Variants in RUNDC1 observed in about 807,000 individuals in gnomAD.
RUNDC1 encodes the protein RUN domain containing 1, also known as RUN domain-containing protein 1.
Under a neutral mutation model 49.3 loss-of-function variants are expected in RUNDC1, and 31 were observed. The observed-to-expected ratio is 0.63, with a 90% CI of 0.47 to 0.85. RUNDC1 has a LOEUF of 0.85. Ranked by LOEUF, RUNDC1 falls within the 40% of genes least tolerant of loss-of-function variation. The pLI, the probability that RUNDC1 is intolerant of heterozygous loss-of-function variation, is 0.00. For synonymous variants in RUNDC1, 347 were observed against 348.6 expected (o/e 1.00, Z 0.05); for missense variants, 715 against 806.7 (o/e 0.89, Z 1.38).
At position 42,980,732 on chromosome 17, in the gene RUNDC1, G is replaced by A; in HGVS notation, c.156G>A (p.Gly52=). ...GGGCGGTGGCGGAGGCCCGGCCTGG[G>A]GCAACCGCGTTTTTAGAAGAGGCGA... The part of the protein sequence containing the change: ...PVGAVAEARP[G]ATAFLEEATA... Residue 52 remains glycine, a synonymous_variant, in exon 1 of 5, where the codon GGG becomes GGA. Coordinates refer to ENST00000361677, the MANE Select transcript of RUNDC1 (RefSeq NM_173079.5). 6.5e-7 allele frequency: 1 copy of A among 1,531,720 alleles called. No individual in the cohort carries two copies. Among genetic ancestry groups the A allele is most frequent in the South Asian group, 1.2e-5 (1 of 83,870 alleles). The allele number at this position is 1,531,720 out of a possible 1,614,324, so 94.9% of individuals were successfully genotyped here.
intron 1 of RUNDC1, 196 bp downstream of exon 1, chr17:42,981,270 G>A: frequency 1.5e-6 from 1 of 659,898 alleles, no homozygotes; most frequent in South Asian, 2.1e-5. Context: ...ACCTGAGGGT[G>A]AGCGGTGTGC....
intron 1 of RUNDC1, among the ~76,000 whole-genome samples, chr17:42,983,054 C>A (rs1352913705): frequency 4.0e-5 from 6 of 149,744 alleles, no homozygotes; most frequent in African/African-American, 1.2e-4. Flanking sequence ...TGGCTCATGA[C>A]TGTAATCCCA....
intron 1 of RUNDC1, among the ~76,000 whole-genome samples, chr17:42,985,876 A>G (rs1414899773): frequency 6.6e-6 from 1 of 152,218 alleles, no homozygotes; most frequent in Non-Finnish European, 1.5e-5. Context: ...CAGTTGAAAA[A>G]GGAGTCACTA....
rs1453739205 is a variant in RUNDC1, at chr17:42,980,606, G to A, written c.30G>A (p.Pro10=). The change falls in exon 1 of 5, where the codon CCG becomes CCA. Residue 10 remains proline (P), a synonymous_variant. Coordinates refer to ENST00000361677, the MANE Select transcript of RUNDC1 (RefSeq NM_173079.5). MAAVEAAAE[P]VTVVAAVGPK... ...CGGCTGTCGAAGCGGCTGCAGAGCCGGTAACGGTGGTGGCGGCTGTTGGGC... is the reference window on the plus strand; with the variant it reads ...CGGCTGTCGAAGCGGCTGCAGAGCCAGTAACGGTGGTGGCGGCTGTTGGGC... 6.2e-7 allele frequency: 1 copy of A among 1,609,452 alleles called. No homozygotes were observed. The highest frequency in any genetic ancestry group is 8.5e-7 in the Non-Finnish European group (1 of 1,179,272).
chr17:42,991,350 A>G lies in RUNDC1; in HGVS notation c.1476A>G (p.Pro492=). 6.2e-7 allele frequency: 1 copy of G among 1,614,170 alleles called. No homozygotes were observed. Among genetic ancestry groups the G allele is most frequent in the African/African-American group, 1.3e-5 (1 of 75,048 alleles). The change falls in exon 5 of 5, where the codon CCA becomes CCG. Residue 492 remains proline (P), a synonymous_variant. Coordinates refer to ENST00000361677, the MANE Select transcript of RUNDC1 (RefSeq NM_173079.5). ...AKNGRAYVES[P]ARKLSQSFAL... is the part of the protein sequence containing the mutation. Reference sequence around the variant, plus strand: ...ACGGCCGTGCTTATGTGGAATCCCCAGCCCGGAAGCTCTCCCAGTCCTTCG... The same window carrying G: ...ACGGCCGTGCTTATGTGGAATCCCCGGCCCGGAAGCTCTCCCAGTCCTTCG...
At position 42,987,357 on chromosome 17, in the gene RUNDC1, C is replaced by T; in HGVS notation, c.600C>T (p.Ala200=). ...AGCTAGATGACCTGGAAACGTTTGC[C>T]TATCAAGAGGGCAGTTATGACTCGC... ...KTQLDDLETF[A]YQEGSYDSLP... Residue 200 remains alanine (A), a synonymous_variant, in exon 2 of 5, where the codon GCC becomes GCT. Transcript: ENST00000361677. 2 of 1,614,068 alleles carry T rather than the reference C, an allele frequency of 1.2e-6. No individual in the cohort carries two copies. Among genetic ancestry groups the T allele is most frequent in the Non-Finnish European group, 1.7e-6 (2 of 1,179,988 alleles).
rs1395954253 is a variant in RUNDC1, at chr17:42,980,946, C to T, written c.370C>T (p.Arg124Trp). The T allele has an allele frequency of 1.3e-6, 2 of 1,540,352 alleles. No individual in the cohort carries two copies. Among genetic ancestry groups the T allele is most frequent in the Admixed American group, 1.9e-5 (1 of 52,126 alleles). ...GAPAEQQRLLRELEDFAFRGC... is the reference protein window; with the variant it reads ...GAPAEQQRLLWELEDFAFRGC... The stretch of plus-strand genomic sequence containing the variant: ...GCCGGCGGAGCAGCAGCGCCTTCTG[C>T]GGGAGCTCGAAGACTTCGCCTTCCG... Residue 124 changes from arginine to tryptophan, a missense_variant, in exon 1 of 5, where the codon CGG becomes TGG. Arg to Trp is a moderately radical substitution (Grantham distance 101, BLOSUM62 -3). This residue lies in a region of RUNDC1 where 113 missense variants were observed against 93.4 expected (regional missense o/e 1.21). Coordinates refer to ENST00000361677, the MANE Select transcript of RUNDC1 (RefSeq NM_173079.5).
intron 2 of RUNDC1, among the ~76,000 whole-genome samples, chr17:42,988,142 C>T (rs1306588320): frequency 1.3e-5 from 2 of 152,094 alleles, no homozygotes; most frequent in Non-Finnish European, 1.5e-5. Context: ...TTAGGTAAGA[C>T]CTGGGTAGAC....
intron 1 of RUNDC1, among the ~76,000 whole-genome samples, chr17:42,983,883 G>A (rs182945684): frequency 2.0e-5 from 3 of 151,858 alleles, no homozygotes; most frequent in Admixed American, 2.0e-4. Flanking sequence ...TGTCGGCCAG[G>A]CTGGTCTCGA....
chr17:42,992,948 A>C lies in RUNDC1; in HGVS notation c.*1232A>C, dbSNP rs2050264134. 6.6e-6 allele frequency: 1 copy of C among 152,228 alleles called. No homozygotes were observed. Among genetic ancestry groups the C allele is most frequent in the African/African-American group, 2.4e-5 (1 of 41,462 alleles). 9.4% of individuals were successfully genotyped at this position (152,228 alleles called of 1,614,324 possible). A position where few individuals can be genotyped will look rare whatever the true frequency, so the allele number is the denominator to read the frequency against. ...TGTTACTATGTTCTCCAGCAAGTAA[A>C]CATTCCTCTGCTCACCTCCCAACAA... On this transcript the variant is annotated 3_prime_UTR_variant, in exon 5 of 5. Transcript: ENST00000361677.
rs746659117 is a variant in RUNDC1 at position 42,991,515 on chromosome 17, T to G, written c.1641T>G (p.Asn547Lys). 6.2e-7 allele frequency: 1 copy of G among 1,614,166 alleles called. No homozygotes were observed. The highest frequency in any genetic ancestry group is 8.5e-7 in the Non-Finnish European group (1 of 1,180,024). ...AGGCCTTGGTGTGCATGGCACTGAA[T>G]GAGCAGCGTCTGGTGTCCTGGGTGA... ...ELKALVCMALNEQRLVSWVNL... is the reference protein window; with the variant it reads ...ELKALVCMALKEQRLVSWVNL... Residue 547 changes from asparagine to lysine, a missense_variant, in exon 5 of 5, where the codon AAT becomes AAG. Physicochemically the swap from Asn to Lys is moderately conservative, Grantham distance 94. Coordinates refer to ENST00000361677, the MANE Select transcript of RUNDC1 (RefSeq NM_173079.5).
At position 42,991,276 on chromosome 17, in the gene RUNDC1, G is replaced by A. The variant is rs760891071; in HGVS notation, c.1402G>A (p.Glu468Lys). The change falls in exon 5 of 5, where the codon GAG (glutamate) becomes AAG (lysine). Residue 468 changes from glutamate to lysine, a missense_variant. This residue lies in a region of RUNDC1 where 425 missense variants were observed against 499.7 expected (regional missense o/e 0.85). Transcript: ENST00000361677. ...CLLPAFSSAP[E>K]AMHPWELFVK... ...GCTGCCAGCCTTCTCCTCGGCCCCA[G>A]AGGCCATGCACCCGTGGGAGCTCTT... 9.9e-6 allele frequency: 16 copies of A among 1,614,082 alleles called. No homozygotes were observed. The highest frequency in any genetic ancestry group is 2.2e-5 in the East Asian group (1 of 44,888).
chr17:42,993,484 A>G lies in RUNDC1; in HGVS notation c.*1768A>G, dbSNP rs975537608. On this transcript the variant is annotated 3_prime_UTR_variant, in exon 5 of 5. Transcript: ENST00000361677. ...ACATGTTACTTATTTAAGATACATT[A>G]CTGATATTTCATTATAATTAGTTCA... is the stretch of plus-strand genomic sequence containing the variant. The G allele has an allele frequency of 6.6e-6, 1 of 152,254 alleles. No homozygotes were observed. The highest frequency in any genetic ancestry group is 1.5e-5 in the Non-Finnish European group (1 of 68,050). 9.4% of individuals were successfully genotyped at this position (152,254 alleles called of 1,614,324 possible). A position where few individuals can be genotyped will look rare whatever the true frequency, so the allele number is the denominator to read the frequency against.
chr17:42,984,871 T>G (rs942927117), intron 1 of RUNDC1, among the ~76,000 whole-genome samples: 2 of 150,140 alleles, frequency 1.3e-5, no homozygotes, highest in Non-Finnish European at 2.9e-5. Flanking sequence ...ATTCTTTTCT[T>G]TTTCTTTTTC....
At chr17:42,985,696 C>A (rs947855514) in intron 1 of RUNDC1, 8 of 978,748 alleles carry the variant, frequency 8.2e-6, no homozygotes, top group Non-Finnish European at 9.7e-6. Flanking sequence ...ACGCTGTAGA[C>A]TTCTAGTTTA....
At chr17:42,987,875 C>T (rs923510172) in intron 2 of RUNDC1, among the ~76,000 whole-genome samples, 8 of 152,122 alleles carry the variant, frequency 5.3e-5, no homozygotes, top group Admixed American at 3.9e-4. Context: ...GCCTCAGCCT[C>T]CCAAGTAACT....
intron 2 of RUNDC1, 116 bp downstream of exon 2, chr17:42,987,530 T>C: frequency 1.1e-6 from 1 of 936,662 alleles, no homozygotes; most frequent in Non-Finnish European, 1.6e-6. Context: ...AGAATCCCTC[T>C]GCTGGCCCAA....
In RUNDC1 at chr17:42,994,105, A is replaced by G. The variant is rs1280128669; in HGVS notation, c.*2389A>G. ...ACTCCTGACCTCAGGTGATCCACCC[A>G]CTTCAGCCTCCCAAAGTGCTGGGAT... is the stretch of plus-strand genomic sequence containing the variant. On this transcript the variant is annotated 3_prime_UTR_variant, in exon 5 of 5. Coordinates refer to ENST00000361677, the MANE Select transcript of RUNDC1 (RefSeq NM_173079.5). Among the ~76,000 whole-genome samples the G allele has an allele frequency of 6.6e-6, 1 of 152,176 alleles. No individual in the cohort carries two copies. The highest frequency in any genetic ancestry group is 1.9e-4 in the East Asian group (1 of 5,194).
chr17:42,990,090 ACT>A (rs1193825893), intron 3 of RUNDC1, among the ~76,000 whole-genome samples: 1 of 151,944 alleles, frequency 6.6e-6, no homozygotes, highest in East Asian at 1.9e-4. Context: ...CATGTTACTA[ACT>A]CTTCAGTCTC....
Sources: gnomAD v4.1 joint callset for allele counts (sites outside exome capture counted in the v4.1 genomes callset) on GRCh38, gnomAD v4.1.1 for gene constraint, gnomAD v4.1.1 regional missense constraint, MANE v1.5 for transcripts, NCBI Gene and HGNC (gene_info 2026-07-23, HGNC 2026-07-21) for gene names.